OR14I1: variants seen among roughly 807,000 people sequenced by gnomAD.
The protein encoded by OR14I1 is olfactory receptor 14I1.
For synonymous variants in OR14I1, 118 were observed against 71.1 expected (o/e 1.66, Z -3.32); for missense variants, 279 against 181.8 (o/e 1.53, Z -3.07).
At chr1:248,693,914 AAAC>A in the OR14I1 span, among the ~76,000 whole-genome samples, 2 of 152,012 alleles carry the variant, frequency 1.3e-5, no homozygotes. Flanking sequence ...AAAAAAAAAA[AAAC>A]CATTTACTGG....
At chr1:248,690,767 A>T in the OR14I1 span, among the ~76,000 whole-genome samples, 99 of 151,602 alleles carry the variant, frequency 6.5e-4, no homozygotes, top group African/African-American at 2.2e-3. Context: ...AACCTGGCAG[A>T]GACACAACCA....
At chr1:248,700,954 T>C in the OR14I1 span, among the ~76,000 whole-genome samples, 2 of 152,224 alleles carry the variant, frequency 1.3e-5, no homozygotes, top group African/African-American at 4.8e-5. Context: ...ACAGAAGGAA[T>C]ACTTGCCAAC....
At chr1:248,686,296 G>A (rs1400311298), upstream of OR14I1, among the ~76,000 whole-genome samples, 3 of 152,104 alleles carry the variant, frequency 2.0e-5, no homozygotes, top group Non-Finnish European at 4.4e-5. Flanking sequence ...TTACTGAAAT[G>A]TAAAACTACA....
At position 248,681,692 on chromosome 1, in the gene OR14I1, C is replaced by G. The variant is rs115155896; in HGVS notation, c.613G>C (p.Val205Leu). The G allele has an allele frequency of 1.9e-3, 1,468 of 781,006 alleles. 26 individuals carry two copies. The African/African-American group carries it at 0.023, about 12-fold the overall frequency. 48.4% of individuals were successfully genotyped at this position (781,006 alleles called of 1,614,324 possible). Reference sequence around the variant, plus strand: ...ATCATGAGAATAAAGCATCCCAGAACCAAGCATGAGCTCAGGGCCAGGGTC... The same window carrying G: ...ATCATGAGAATAAAGCATCCCAGAAGCAAGCATGAGCTCAGGGCCAGGGTC... Residue 205 changes from valine (V) to leucine (L), a missense_variant, in exon 1 of 1, where the codon GTT (valine) becomes CTT (leucine). Coordinates refer to ENST00000342623, the Ensembl canonical transcript of OR14I1.
At chr1:248,683,518 C>T (rs936320919), upstream of OR14I1, among the ~76,000 whole-genome samples, 1 of 152,152 alleles carries the variant, frequency 6.6e-6, no homozygotes, top group Non-Finnish European at 1.5e-5. Flanking sequence ...CACATAAATG[C>T]TATCCCTTGC....
chr1:248,682,152 C>T (rs1410519635), exon 1 of OR14I1: 2 of 781,026 alleles, frequency 2.6e-6, no homozygotes, highest in Non-Finnish European at 2.4e-6. Flanking sequence ...TGTGAAGATG[C>T]TGATCGAGAG....
chr1:248,683,246 C>G (rs1050465540), upstream of OR14I1, among the ~76,000 whole-genome samples: 1 of 152,138 alleles, frequency 6.6e-6, no homozygotes. Flanking sequence ...CTAACATAAG[C>G]TCACAAAAAT....
chr1:248,678,508 T>C (rs918067457), downstream of OR14I1, among the ~76,000 whole-genome samples: 1 of 152,238 alleles, frequency 6.6e-6, no homozygotes, highest in African/African-American at 2.4e-5. Flanking sequence ...TTAAACAATA[T>C]GTTTCTAAAT....
chr1:248,698,101 C>T, the OR14I1 span, among the ~76,000 whole-genome samples: 21 of 152,284 alleles, frequency 1.4e-4, no homozygotes, highest in Non-Finnish European at 2.4e-4. Context: ...CTCCTGCTGA[C>T]GCTGGGGAGC....
chr1:248,682,142 T>C, exon 1 of OR14I1: 1 of 781,030 alleles, frequency 1.3e-6, no homozygotes, highest in Non-Finnish European at 2.4e-6. Flanking sequence ...TACATGGGTG[T>C]GTGAAGATGC....
upstream of OR14I1, among the ~76,000 whole-genome samples, chr1:248,683,300 C>G (rs1310310285): frequency 6.6e-6 from 1 of 152,130 alleles, no homozygotes; most frequent in East Asian, 1.9e-4. Flanking sequence ...TTTATTTTCA[C>G]TGGTATTATC....
the OR14I1 span, among the ~76,000 whole-genome samples, chr1:248,689,143 C>A: frequency 6.6e-6 from 1 of 152,218 alleles, no homozygotes; most frequent in Admixed American, 6.5e-5. Flanking sequence ...AGGAGGTCTT[C>A]TCAGTCCCCA....
chr1:248,691,439 G>C, the OR14I1 span, among the ~76,000 whole-genome samples: 1 of 152,228 alleles, frequency 6.6e-6, no homozygotes, highest in African/African-American at 2.4e-5. Context: ...TCCCGTCAGA[G>C]AATTAAGTAT....
chr1:248,698,045 G>T, the OR14I1 span, among the ~76,000 whole-genome samples: 20 of 152,196 alleles, frequency 1.3e-4, no homozygotes. Context: ...GCTGAGTTCC[G>T]TGAGGGTTGG....
upstream of OR14I1, among the ~76,000 whole-genome samples, chr1:248,685,689 G>A (rs907739101): frequency 1.1e-4 from 16 of 149,712 alleles, no homozygotes; most frequent in South Asian, 6.3e-4. Context: ...TATATAGTTC[G>A]TGTATATATA....
chr1:248,680,514 C>T (rs1386780062), downstream of OR14I1, among the ~76,000 whole-genome samples: 2 of 152,198 alleles, frequency 1.3e-5, no homozygotes, highest in Admixed American at 6.5e-5. Context: ...GTACATTTCA[C>T]GAGCCCAGTC....
downstream of OR14I1, among the ~76,000 whole-genome samples, chr1:248,680,666 T>C (rs1661544131): frequency 6.6e-6 from 1 of 152,116 alleles, no homozygotes; most frequent in African/African-American, 2.4e-5. Context: ...TATTAACACA[T>C]TGAATATTAA....
chr1:248,684,757 C>CATATATATATATAT (rs376621560), upstream of OR14I1, among the ~76,000 whole-genome samples: 18 of 145,140 alleles, frequency 1.2e-4, no homozygotes, highest in African/African-American at 4.4e-4. Context: ...CACACACATA[C>CATATATATATATAT]ATATATATAT....
chr1:248,689,161 C>T, the OR14I1 span, among the ~76,000 whole-genome samples: 1,202 of 152,238 alleles, frequency 7.9e-3, 35 homozygotes, highest in Admixed American at 0.053. Flanking sequence ...CCATAGCTGG[C>T]GTATTATAAA....
Sources: gnomAD v4.1 joint callset for allele counts (sites outside exome capture counted in the v4.1 genomes callset) on GRCh38, gnomAD v4.1.1 for gene constraint, MANE v1.5 for transcripts, NCBI Gene and HGNC (gene_info 2026-07-23, HGNC 2026-07-21) for gene names.